The following LRRTM3 variants were observed in gnomAD, a reference collection of about 807,000 sequenced individuals.
LRRTM3 encodes the protein leucine-rich repeat transmembrane neuronal protein 3.
A neutral mutation model predicts 44.7 loss-of-function variants in LRRTM3; 24 were observed. The ratio of observed to expected loss-of-function variants is 0.54; its 90% CI spans 0.39 to 0.76. The LOEUF is 0.76. LRRTM3 is among the 30% of genes least tolerant of loss of function. LRRTM3 has a pLI of 0.00. For synonymous variants in LRRTM3, 277 were observed against 278.7 expected (o/e 0.99, Z 0.06); for missense variants, 587 against 702.2 (o/e 0.84, Z 1.85).
At chr10:67,060,612 T>C (rs1022229732) in intron 2 of LRRTM3, among the ~76,000 whole-genome samples, 2 of 152,152 alleles carry the variant, frequency 1.3e-5, no homozygotes, top group African/African-American at 2.4e-5. Flanking sequence ...TGGGTTAAGG[T>C]AGCAAAAATC....
intron 2 of LRRTM3, among the ~76,000 whole-genome samples, chr10:67,062,152 G>A (rs980608471): frequency 1.3e-5 from 2 of 151,368 alleles, no homozygotes; most frequent in Non-Finnish European, 2.9e-5. Context: ...GAGGCAGGTG[G>A]ATGATATTTG....
chr10:66,964,052 A>T (rs550745411), intron 2 of LRRTM3, among the ~76,000 whole-genome samples: 6 of 151,520 alleles, frequency 4.0e-5, no homozygotes, highest in Non-Finnish European at 7.4e-5. Flanking sequence ...GGTTTTCACC[A>T]TGTTGGCCAG....
Position 67,099,903 on chromosome 10 carries a change from A to C in LRRTM3, c.*2107A>C, listed in dbSNP as rs1236384631. The C allele has an allele frequency of 6.6e-6, 1 of 151,744 alleles. No individual in the cohort carries two copies. The highest frequency in any genetic ancestry group is 1.9e-4 in the East Asian group (1 of 5,172). 9.4% of individuals were successfully genotyped at this position (151,744 alleles called of 1,614,324 possible). On this transcript the variant is annotated 3_prime_UTR_variant, in exon 3 of 3. Transcript: ENST00000361320. ...TTGGCTTTACGTCGTTAGCAAATTT[A>C]TAAAGGGTTATAAAGCTATGATTCG...
At chr10:67,024,997 G>C (rs543606455) in intron 2 of LRRTM3, among the ~76,000 whole-genome samples, 1 of 151,960 alleles carries the variant, frequency 6.6e-6, no homozygotes, top group African/African-American at 2.4e-5. Context: ...AGGTGTGGTG[G>C]CGCATGCCTG....
At chr10:66,958,736 C>T (rs1848964460) in intron 2 of LRRTM3, among the ~76,000 whole-genome samples, 1 of 152,130 alleles carries the variant, frequency 6.6e-6, no homozygotes, top group South Asian at 2.1e-4. Flanking sequence ...TATCCTACTA[C>T]TCCTGGGGCA....
chr10:67,078,778 C>A (rs545738690), intron 2 of LRRTM3, among the ~76,000 whole-genome samples: 2 of 152,108 alleles, frequency 1.3e-5, no homozygotes, highest in Middle Eastern at 3.2e-3. Flanking sequence ...GGCCCCCCAA[C>A]GTGCTGAGAT....
chr10:67,034,840 A>T (rs921603293), intron 2 of LRRTM3, among the ~76,000 whole-genome samples: 2 of 152,100 alleles, frequency 1.3e-5, no homozygotes, highest in African/African-American at 2.4e-5. Flanking sequence ...CTTCAGATGC[A>T]CTCCAGTCTA....
chr10:66,943,059 G>A (rs1412613648), intron 2 of LRRTM3, among the ~76,000 whole-genome samples: 1 of 152,174 alleles, frequency 6.6e-6, no homozygotes, highest in African/African-American at 2.4e-5. Flanking sequence ...AATAGGAAAA[G>A]CACTGAGTTA....
At chr10:66,982,638 A>T (rs6480244) in intron 2 of LRRTM3, among the ~76,000 whole-genome samples, 2 of 151,950 alleles carry the variant, frequency 1.3e-5, no homozygotes, top group African/African-American at 4.8e-5. Flanking sequence ...AAAAATTGTT[A>T]ACCTTGTGAG....
chr10:66,964,276 T>C (rs1849280764), intron 2 of LRRTM3, among the ~76,000 whole-genome samples: 1 of 150,346 alleles, frequency 6.7e-6, no homozygotes, highest in African/African-American at 2.5e-5. Flanking sequence ...GAAGAGCAGG[T>C]CTTTTTTTTT....
At position 66,978,552 on chromosome 10, in the gene LRRTM3, A is replaced by AAATAAAAAAAATAAAAAATATATATATAT; in HGVS notation, c.1536+50101_1536+50102insATAAAAAAAATAAAAAATATATATATATA. Among the ~76,000 whole-genome samples, 6 of 37,866 alleles carry AAATAAAAAAAATAAAAAATATATATATAT rather than the reference A, an allele frequency of 1.6e-4. No individual in the cohort carries two copies. In the Admixed American group the frequency reaches 1.9e-3, roughly 12 times the overall value. 24.8% of individuals were successfully genotyped at this position (37,866 alleles called of 152,430 possible). ...AAAAAAAAAAAAAAAAAAAAAAAAA[A>AAATAAAAAAAATAAAAAATATATATATAT]ATATATATATATATATATAGTATGG... is the stretch of plus-strand genomic sequence containing the variant. On this transcript the variant is annotated intron_variant, in intron 2 of 2. Transcript: ENST00000361320.
intron 2 of LRRTM3, among the ~76,000 whole-genome samples, chr10:66,943,118 GA>G (rs758092250): frequency 2.0e-5 from 3 of 152,146 alleles, no homozygotes; most frequent in Non-Finnish European, 2.9e-5. Context: ...ATTTTCTCAA[GA>G]GACAAATTTG....
In LRRTM3 at chr10:67,097,970, A is replaced by G; in HGVS notation, c.*174A>G. On this transcript the variant is annotated 3_prime_UTR_variant, in exon 3 of 3. Transcript: ENST00000361320. ...AATAAAGAAGACATGAATTGTTTTA[A>G]GTCTACACTTTGTAATTAGCTAAGT... The G allele has an allele frequency of 1.6e-6, 1 of 617,038 alleles. No homozygotes were observed. The highest frequency in any genetic ancestry group is 1.9e-5 in the African/African-American group (1 of 54,034). 38.2% of individuals were successfully genotyped at this position (617,038 alleles called of 1,614,324 possible). A position where few individuals can be genotyped will look rare whatever the true frequency, so the allele number is the denominator to read the frequency against.
intron 2 of LRRTM3, among the ~76,000 whole-genome samples, chr10:66,966,535 A>C (rs910365085): frequency 6.6e-6 from 1 of 152,140 alleles, no homozygotes; most frequent in African/African-American, 2.4e-5. Context: ...AATAGCTAAA[A>C]ATGAGCTATC....
rs559938624 is a variant in LRRTM3 at position 66,943,673 on chromosome 10, G to A, written c.1536+15221G>A. ...AAACATGCTACTTAAACATAGTTTT[G>A]TACTTTTGTACAGCAGGGGAAAACA... On this transcript the variant is annotated intron_variant, in intron 2 of 2. Coordinates refer to ENST00000361320, the MANE Select transcript of LRRTM3 (RefSeq NM_178011.5). Among the ~76,000 whole-genome samples the A allele has an allele frequency of 3.3e-5, 5 of 152,112 alleles. No homozygotes were observed. In the East Asian group the frequency reaches 9.7e-4, roughly 29 times the overall value.
chr10:67,063,412 C>T (rs935393883), intron 2 of LRRTM3, among the ~76,000 whole-genome samples: 1 of 152,114 alleles, frequency 6.6e-6, no homozygotes, highest in African/African-American at 2.4e-5. Context: ...GGGTCTCAAT[C>T]AGGAGTTAAA....
chr10:66,996,356 C>T (rs970547749), intron 2 of LRRTM3, among the ~76,000 whole-genome samples: 1 of 151,970 alleles, frequency 6.6e-6, no homozygotes, highest in Non-Finnish European at 1.5e-5. Flanking sequence ...TTTAATAATG[C>T]ATGTTTGGGC....
intron 2 of LRRTM3, among the ~76,000 whole-genome samples, chr10:66,985,156 A>G (rs1002700969): frequency 6.6e-6 from 1 of 152,194 alleles, no homozygotes; most frequent in Non-Finnish European, 1.5e-5. Context: ...CCACAAAGGT[A>G]TTTCCTACCA....
chr10:67,092,926 C>A (rs922624824), intron 2 of LRRTM3, among the ~76,000 whole-genome samples: 7 of 151,954 alleles, frequency 4.6e-5, no homozygotes, highest in Non-Finnish European at 8.8e-5. Flanking sequence ...CTCATTATTA[C>A]AATAGCATAT....
Sources: gnomAD v4.1 joint callset for allele counts (sites outside exome capture counted in the v4.1 genomes callset) on GRCh38, gnomAD v4.1.1 for gene constraint, MANE v1.5 for transcripts, NCBI Gene and HGNC (gene_info 2026-07-23, HGNC 2026-07-21) for gene names.